The following LRRC7 variants were observed in gnomAD, a reference collection of about 807,000 sequenced individuals.
The protein encoded by LRRC7 is leucine rich repeat containing 7.
A neutral mutation model predicts 175.7 loss-of-function variants in LRRC7; 23 were observed. That is an observed-to-expected ratio of 0.13 (90% CI 0.09 to 0.19). The LOEUF is 0.19. LRRC7 is among the 10% of genes least tolerant of loss of function. The probability of loss-of-function intolerance (pLI) is 1.00; values close to 1 mark genes in which losing one functional copy is unlikely to be tolerated. For missense variants in LRRC7, 1,354 were observed against 1,904.7 expected, an observed-to-expected ratio of 0.71 and a Z score of 5.38; for synonymous variants, 685 against 680.9, an observed-to-expected ratio of 1.01 and a Z score of -0.09.
chr1:69,573,968 T>C (rs1384661878), intron 1 of LRRC7, among the ~76,000 whole-genome samples: 1 of 152,114 alleles, frequency 6.6e-6, no homozygotes, highest in Admixed American at 6.6e-5. Flanking sequence ...GTTTCTTCAG[T>C]TGTGCCAGGA....
Position 69,712,235 on chromosome 1 carries a change from A to AACACAC in LRRC7, c.100+33778_100+33783dup, listed in dbSNP as rs57948269. The stretch of plus-strand genomic sequence containing the variant: ...GGACAGTGGTAGCACTGAGAAAAAG[A>AACACAC]ACACACACACACACACACACACACA... On this transcript the variant is annotated intron_variant, in intron 2 of 26. Coordinates refer to ENST00000651989, the MANE Select transcript of LRRC7 (RefSeq NM_001370785.2). Among the ~76,000 whole-genome samples, 232 of 150,696 alleles carry AACACAC rather than the reference A, an allele frequency of 1.5e-3. 1 individual carries two copies. Among genetic ancestry groups the AACACAC allele is most frequent in the South Asian group, 7.4e-3 (35 of 4,750 alleles).
At chr1:69,999,932 C>A (rs1655371270) in intron 11 of LRRC7, among the ~76,000 whole-genome samples, 1 of 152,110 alleles carries the variant, frequency 6.6e-6, no homozygotes, top group African/African-American at 2.4e-5. Context: ...GCACACTGTG[C>A]TCTTCCTCAC....
intron 8 of LRRC7, among the ~76,000 whole-genome samples, chr1:69,957,362 ACGT>A (rs1365022794): frequency 1.3e-4 from 19 of 151,992 alleles, no homozygotes; most frequent in Non-Finnish European, 2.8e-4. Context: ...CATTGAACAA[ACGT>A]AAGGTACTGA....
chr1:69,582,527 C>T (rs77672150), intron 1 of LRRC7, among the ~76,000 whole-genome samples: 1 of 152,146 alleles, frequency 6.6e-6, no homozygotes, highest in Non-Finnish European at 1.5e-5. Flanking sequence ...ATTTTAGGTC[C>T]ATTTGCAGTC....
intron 2 of LRRC7, among the ~76,000 whole-genome samples, chr1:69,705,844 A>G (rs1191497070): frequency 6.6e-6 from 1 of 152,136 alleles, no homozygotes; most frequent in Non-Finnish European, 1.5e-5. Context: ...TGTATGGTTA[A>G]TTTTTAACAC....
At chr1:70,032,646 G>A (rs1699269979) in intron 18 of LRRC7, among the ~76,000 whole-genome samples, 2 of 151,990 alleles carry the variant, frequency 1.3e-5, no homozygotes, top group South Asian at 2.1e-4. Flanking sequence ...TTCTATAGAG[G>A]AACATCTTTC....
chr1:69,860,925 GC>G (rs1452800984), intron 7 of LRRC7, among the ~76,000 whole-genome samples: 1 of 151,840 alleles, frequency 6.6e-6, no homozygotes, highest in East Asian at 1.9e-4. Context: ...AATTCCAAAG[GC>G]TTTTAATTAA....
chr1:69,905,406 G>A (rs189663489), intron 7 of LRRC7, among the ~76,000 whole-genome samples: 38 of 151,670 alleles, frequency 2.5e-4, no homozygotes, highest in East Asian at 7.8e-4. Flanking sequence ...ATCCCTCCCC[G>A]CTCCCACCAC....
At chr1:69,822,100 C>T (rs1461618154) in intron 4 of LRRC7, among the ~76,000 whole-genome samples, 2 of 152,134 alleles carry the variant, frequency 1.3e-5, no homozygotes, top group African/African-American at 4.8e-5. Flanking sequence ...TGTGGATGTG[C>T]CTGCTCCACC....
chr1:70,099,477 T>C (rs1664660650), intron 25 of LRRC7, among the ~76,000 whole-genome samples: 1 of 150,234 alleles, frequency 6.7e-6, no homozygotes. Context: ...GCCAGGGCAA[T>C]TAGGCAGGAG....
intron 8 of LRRC7, among the ~76,000 whole-genome samples, chr1:69,967,151 G>T (rs1306990058): frequency 6.6e-6 from 1 of 152,094 alleles, no homozygotes; most frequent in East Asian, 1.9e-4. Flanking sequence ...TTGCGTGGGA[G>T]GTGGGTGAGA....
intron 1 of LRRC7, among the ~76,000 whole-genome samples, chr1:69,593,281 A>G (rs961351771): frequency 6.6e-6 from 1 of 152,142 alleles, no homozygotes; most frequent in African/African-American, 2.4e-5. Context: ...AAAATAAAGT[A>G]AGGTCATGAA....
intron 10 of LRRC7, among the ~76,000 whole-genome samples, chr1:69,992,763 G>C (rs1321104696): frequency 6.6e-6 from 1 of 152,156 alleles, no homozygotes. Flanking sequence ...TCTTGTGAGA[G>C]CCACTACTCC....
intron 1 of LRRC7, among the ~76,000 whole-genome samples, chr1:69,660,209 A>G (rs1477871730): frequency 2.0e-5 from 3 of 152,082 alleles, no homozygotes; most frequent in African/African-American, 4.8e-5. Context: ...AGCTCTTACA[A>G]TCACTACATA....
At position 69,586,079 on chromosome 1, in the gene LRRC7, C is replaced by T. The variant is rs144196432; in HGVS notation, c.2+17438C>T. Among the ~76,000 whole-genome samples, 5 of 152,252 alleles carry T rather than the reference C, an allele frequency of 3.3e-5. No homozygotes were observed. In the East Asian group the frequency reaches 9.6e-4, roughly 29 times the overall value. On this transcript the variant is annotated intron_variant, in intron 1 of 26. Coordinates refer to ENST00000651989, the MANE Select transcript of LRRC7 (RefSeq NM_001370785.2). ...TGTTAAATAGTGAAAGTACCAAGAGCTAGTCTGATACTCAGCCAGCTTTAC... is the reference window on the plus strand; with the variant it reads ...TGTTAAATAGTGAAAGTACCAAGAGTTAGTCTGATACTCAGCCAGCTTTAC...
chr1:69,953,072 G>C (rs1650114940), intron 8 of LRRC7, among the ~76,000 whole-genome samples: 1 of 150,510 alleles, frequency 6.6e-6, no homozygotes, highest in African/African-American at 2.4e-5. Flanking sequence ...CTGTGGTGTA[G>C]TATTCAAGGT....
chr1:69,604,802 A>G (rs1017119374), intron 1 of LRRC7, among the ~76,000 whole-genome samples: 2 of 152,176 alleles, frequency 1.3e-5, no homozygotes, highest in African/African-American at 4.8e-5. Flanking sequence ...TTTGTAAGAT[A>G]AGAAAATAAA....
Position 70,039,040 on chromosome 1 carries a change from C to T in LRRC7, c.3216C>T (p.Phe1072=), listed in dbSNP as rs748056450. 6.2e-5 allele frequency: 100 copies of T among 1,613,946 alleles called. 2 individuals are homozygous for T. The Admixed American group carries it at 1.6e-3, about 26-fold the overall frequency. ...TKKVYQFDQS[F]NPQGSVEVKA... ...AAGTCTATCAGTTTGACCAAAGCTTCAATCCTCAAGGATCAGTGGAAGTGA... is the reference window on the plus strand; with the variant it reads ...AAGTCTATCAGTTTGACCAAAGCTTTAATCCTCAAGGATCAGTGGAAGTGA... The change falls in exon 21 of 27, where the codon TTC becomes TTT. Residue 1072 remains phenylalanine (F), a synonymous_variant. Transcript: ENST00000651989.
intron 7 of LRRC7, among the ~76,000 whole-genome samples, chr1:69,919,097 AG>A (rs1228556372): frequency 6.6e-6 from 1 of 152,134 alleles, no homozygotes; most frequent in Non-Finnish European, 1.5e-5. Context: ...ACTAATATAA[AG>A]GTAAGAAATA....
Sources: allele counts gnomAD v4.1 joint callset (sites outside exome capture counted in the v4.1 genomes callset), GRCh38; gene constraint gnomAD v4.1.1; transcripts MANE v1.5; gene names NCBI Gene and HGNC (gene_info 2026-07-23, HGNC 2026-07-21).